Variants in AGBL1 observed in about 807,000 individuals in gnomAD.
AGBL1 encodes cytosolic carboxypeptidase 4.
In AGBL1, 130 loss-of-function variants were observed where a neutral mutation model predicts 118.9. The observed-to-expected ratio is 1.09, with a 90% CI of 0.95 to 1.26. The LOEUF is 1.26. Among genes scored for constraint, AGBL1 ranks in the 50% most tolerant of loss-of-function variants. AGBL1 has a pLI of 0.00. For missense variants in AGBL1, 1,584 were observed against 1,298.1 expected, an observed-to-expected ratio of 1.22 and a Z score of -3.38; for synonymous variants, 555 against 478.9, an observed-to-expected ratio of 1.16 and a Z score of -2.08.
At chr15:86,121,368 A>T (rs1898085453) in intron 1 of AGBL1, among the ~76,000 whole-genome samples, 1 of 152,252 alleles carries the variant, frequency 6.6e-6, no homozygotes, top group South Asian at 2.1e-4. Context: ...GGTTATTTTT[A>T]AAATGAATTT....
At chr15:86,566,053 A>T (rs2083908562) in intron 21 of AGBL1, among the ~76,000 whole-genome samples, 1 of 152,166 alleles carries the variant, frequency 6.6e-6, no homozygotes, top group Non-Finnish European at 1.5e-5. Flanking sequence ...CTAGGAAAGG[A>T]AATTCCCTGA....
chr15:86,752,615 G>A (rs1337589778), intron 22 of AGBL1, among the ~76,000 whole-genome samples: 1 of 151,970 alleles, frequency 6.6e-6, no homozygotes, highest in Non-Finnish European at 1.5e-5. Context: ...CCATTGCCAG[G>A]GGCCAGAGGC....
chr15:86,347,698 T>C (rs2080560541), intron 17 of AGBL1, among the ~76,000 whole-genome samples: 1 of 152,218 alleles, frequency 6.6e-6, no homozygotes, highest in Non-Finnish European at 1.5e-5. Context: ...CTGACCCTTT[T>C]CCTCTTTATA....
intron 6 of AGBL1, among the ~76,000 whole-genome samples, chr15:86,241,243 G>A (rs1433664254): frequency 6.6e-6 from 1 of 152,122 alleles, no homozygotes; most frequent in Non-Finnish European, 1.5e-5. Flanking sequence ...TTTTCCTTTG[G>A]CTCTGCTCAT....
At chr15:86,996,146 T>C (rs2081378240) in intron 24 of AGBL1, among the ~76,000 whole-genome samples, 1 of 152,202 alleles carries the variant, frequency 6.6e-6, no homozygotes, top group African/African-American at 2.4e-5. Flanking sequence ...ATTCATTTAC[T>C]CATTTGTTCA....
rs1367682914 is a variant in AGBL1 at position 86,908,199 on chromosome 15, A to G, written c.*905A>G. ...AGGATGAAATGAGATGATATATAAA[A>G]GTGTATAGCTTAGCATTTGGTACAC... On this transcript the variant is annotated 3_prime_UTR_variant, in exon 23 of 23. Coordinates refer to ENST00000614907, the MANE Select transcript of AGBL1 (RefSeq NM_001386094.1). The G allele has an allele frequency of 6.6e-6, 1 of 152,208 alleles. No homozygotes were observed. Among genetic ancestry groups the G allele is most frequent in the Non-Finnish European group, 1.5e-5 (1 of 68,044 alleles). The allele number at this position is 152,208 out of a possible 1,614,324, so 9.4% of individuals were successfully genotyped here. A position where few individuals can be genotyped will look rare whatever the true frequency, so the allele number is the denominator to read the frequency against.
At chr15:86,594,953 C>T (rs536821241) in intron 21 of AGBL1, among the ~76,000 whole-genome samples, 96 of 152,282 alleles carry the variant, frequency 6.3e-4, no homozygotes, top group Non-Finnish European at 8.2e-4. Flanking sequence ...GTATGTCTTT[C>T]GTCCTTGTTT....
At chr15:86,608,027 C>T (rs539996116) in intron 21 of AGBL1, among the ~76,000 whole-genome samples, 41 of 152,310 alleles carry the variant, frequency 2.7e-4, no homozygotes, top group African/African-American at 9.4e-4. Flanking sequence ...TCTTTCTGCG[C>T]CTGCATTTTC....
intron 5 of AGBL1, among the ~76,000 whole-genome samples, chr15:86,185,245 G>A (rs1480977709): frequency 6.6e-6 from 1 of 152,168 alleles, no homozygotes; most frequent in Non-Finnish European, 1.5e-5. Flanking sequence ...TCATTAAAAA[G>A]TCAGGGAACA....
At chr15:86,802,285 T>G (rs2141350904) in intron 22 of AGBL1, among the ~76,000 whole-genome samples, 1 of 152,244 alleles carries the variant, frequency 6.6e-6, no homozygotes, top group East Asian at 1.9e-4. Flanking sequence ...TTTCATTTTT[T>G]TTTTCAGTTT....
chr15:86,931,843 T>C (rs1176891421), intron 23 of AGBL1, among the ~76,000 whole-genome samples: 1 of 152,218 alleles, frequency 6.6e-6, no homozygotes, highest in Non-Finnish European at 1.5e-5. Context: ...AAATGAAATG[T>C]ACAATTTGCA....
chr15:86,764,277 T>C (rs1478991400), intron 22 of AGBL1, among the ~76,000 whole-genome samples: 2 of 152,014 alleles, frequency 1.3e-5, no homozygotes, highest in Non-Finnish European at 2.9e-5. Flanking sequence ...TACAGCTAAG[T>C]ACCGGGTGAT....
chr15:86,309,064 T>C (rs1188888095), intron 17 of AGBL1, among the ~76,000 whole-genome samples: 1 of 152,236 alleles, frequency 6.6e-6, no homozygotes, highest in Non-Finnish European at 1.5e-5. Context: ...ATGGTATACC[T>C]TTCCATTTAT....
At chr15:86,220,642 G>C (rs2078266133) in intron 5 of AGBL1, among the ~76,000 whole-genome samples, 1 of 152,174 alleles carries the variant, frequency 6.6e-6, no homozygotes, top group Non-Finnish European at 1.5e-5. Flanking sequence ...AATCTTAACT[G>C]AGTTATCCTA....
chr15:86,758,870 G>T (rs911494011), intron 22 of AGBL1, among the ~76,000 whole-genome samples: 1 of 151,128 alleles, frequency 6.6e-6, no homozygotes, highest in Non-Finnish European at 1.5e-5. Flanking sequence ...CTACTCAGGA[G>T]GCTGAGGTGG....
At chr15:86,368,748 A>T (rs1433100907) in intron 17 of AGBL1, among the ~76,000 whole-genome samples, 4 of 152,216 alleles carry the variant, frequency 2.6e-5, no homozygotes, top group Non-Finnish European at 5.9e-5. Context: ...CTTCCAGAAG[A>T]GAATGAAGGG....
intron 23 of AGBL1, among the ~76,000 whole-genome samples, chr15:86,980,405 T>C (rs2081220098): frequency 6.6e-6 from 1 of 152,210 alleles, no homozygotes; most frequent in South Asian, 2.1e-4. Flanking sequence ...TGTATATCAA[T>C]GTCAGAGTCA....
At chr15:86,719,155 G>T (rs7167902) in intron 22 of AGBL1, among the ~76,000 whole-genome samples, 122,143 of 152,098 alleles carry the variant, frequency 0.8, 49,230 homozygotes, top group East Asian at 0.93. Flanking sequence ...CATTTGAGAA[G>T]AGAGGGAGAC....
chr15:86,793,225 G>A (rs1177891481), intron 22 of AGBL1, among the ~76,000 whole-genome samples: 1 of 152,148 alleles, frequency 6.6e-6, no homozygotes, highest in Non-Finnish European at 1.5e-5. Flanking sequence ...TGAGAAATCT[G>A]ATGCTCAAAG....
Sources: allele counts gnomAD v4.1 joint callset (sites outside exome capture counted in the v4.1 genomes callset), GRCh38; gene constraint gnomAD v4.1.1; transcripts MANE v1.5; gene names NCBI Gene and HGNC (gene_info 2026-07-23, HGNC 2026-07-21).